CTNNA1: variants seen among roughly 807,000 people sequenced by gnomAD.
CTNNA1 encodes the protein catenin alpha 1, also known as catenin alpha-1.
CTNNA1 carries 37 observed loss-of-function variants against 98.4 expected under a neutral mutation model. The observed-to-expected ratio is 0.38, with a 90% confidence interval of 0.29 to 0.49. CTNNA1 has a LOEUF of 0.49. CTNNA1 is among the 20% of genes least tolerant of loss of function. The pLI is 0.95. For synonymous variants in CTNNA1, 404 were observed against 413.2 expected (o/e 0.98, Z 0.27); for missense variants, 761 against 1,147.2 (o/e 0.66, Z 4.86).
At chr5:138,871,109 T>C (rs547207751) in intron 7 of CTNNA1, 1 of 152,308 alleles carries the variant, frequency 6.6e-6, no homozygotes, top group East Asian at 1.9e-4. Flanking sequence ...AGAAAAATTG[T>C]GATTAAATCT....
chr5:138,926,439 C>T (rs1275881907), intron 13 of CTNNA1, among the ~76,000 whole-genome samples: 4 of 152,252 alleles, frequency 2.6e-5, no homozygotes, highest in East Asian at 1.9e-4. Flanking sequence ...GCCATTTGTG[C>T]GCCCTTGCTG....
At chr5:138,854,548 A>C (rs886287776) in intron 7 of CTNNA1, among the ~76,000 whole-genome samples, 1 of 152,234 alleles carries the variant, frequency 6.6e-6, no homozygotes, top group African/African-American at 2.4e-5. Flanking sequence ...ACAGTTCAAC[A>C]GACTCCTCAG....
intron 10 of CTNNA1, among the ~76,000 whole-genome samples, chr5:138,909,312 G>T (rs1307882969): frequency 6.6e-6 from 1 of 151,628 alleles, no homozygotes; most frequent in Non-Finnish European, 1.5e-5. Context: ...GATGAATTAA[G>T]TATATGAAGC....
Position 138,771,865 on chromosome 5 carries a change from A to G in CTNNA1, c.-2-10058A>G, listed in dbSNP as rs193156622. ...GTTGCTTCGGGTACTTTTAATTTCT[A>G]AATTTCCTGATTTGCATTTAAACGA... On this transcript the variant is annotated intron_variant, in intron 1 of 17. Transcript: ENST00000302763. 2.8e-3 allele frequency among the ~76,000 whole-genome samples: 431 copies of G among 152,270 alleles called. 2 individuals carry two copies. The highest frequency in any genetic ancestry group is 9.6e-3 in the African/African-American group (398 of 41,534).
chr5:138,830,506 T>C (rs1761174266), intron 7 of CTNNA1, among the ~76,000 whole-genome samples: 1 of 152,236 alleles, frequency 6.6e-6, no homozygotes, highest in South Asian at 2.1e-4. Flanking sequence ...GGCTTGGTCC[T>C]GTCAAAAAGC....
chr5:138,811,945 A>G, intron 4 of CTNNA1: 1 of 355,178 alleles, frequency 2.8e-6, no homozygotes, highest in Non-Finnish European at 5.3e-6. Context: ...GGAGAGGGAG[A>G]GGGAGGGGAA....
At chr5:138,861,135 C>G (rs892919284) in intron 7 of CTNNA1, among the ~76,000 whole-genome samples, 1 of 152,050 alleles carries the variant, frequency 6.6e-6, no homozygotes, top group Non-Finnish European at 1.5e-5. Context: ...ATTCTTCTGC[C>G]TCAGCCTCCT....
chr5:138,886,170 T>C (rs770082440), intron 7 of CTNNA1, 42 bp from the exon 8 acceptor site: 3 of 1,597,906 alleles, frequency 1.9e-6, no homozygotes, highest in South Asian at 2.3e-5. Context: ...TTAGGTTTCT[T>C]TGTAAATGAA....
chr5:138,934,692 T>C lies in CTNNA1; in HGVS notation c.*603T>C, dbSNP rs1365267794. On this transcript the variant is annotated 3_prime_UTR_variant, in exon 18 of 18. Coordinates refer to ENST00000302763, the MANE Select transcript of CTNNA1 (RefSeq NM_001903.5). ...AATGTACGCTGCTGCAGGACATTAA[T>C]AAAGTTGCTTTTTTAGGCTACAGTG... 1 of 152,748 alleles carries C rather than the reference T, an allele frequency of 6.5e-6. No homozygotes were observed. The highest frequency in any genetic ancestry group is 1.5e-5 in the Non-Finnish European group (1 of 68,108). The allele number at this position is 152,748 out of a possible 1,614,324, so 9.5% of individuals were successfully genotyped here.
At chr5:138,862,470 A>G (rs987200434) in intron 7 of CTNNA1, among the ~76,000 whole-genome samples, 9 of 152,254 alleles carry the variant, frequency 5.9e-5, no homozygotes, top group African/African-American at 9.6e-5. Flanking sequence ...TTGAAAAAAT[A>G]GTATCCTTTT....
chr5:138,827,216 G>C (rs745651439), intron 6 of CTNNA1, among the ~76,000 whole-genome samples: 1 of 151,952 alleles, frequency 6.6e-6, no homozygotes, highest in Non-Finnish European at 1.5e-5. Context: ...AGTCTTATAC[G>C]GGTTTACCTT....
chr5:138,852,871 G>GCGCACACACACACGCGCGTGCGCA (rs869240008), intron 7 of CTNNA1, among the ~76,000 whole-genome samples: 4 of 151,240 alleles, frequency 2.6e-5, no homozygotes, highest in African/African-American at 4.9e-5. Flanking sequence ...GCGCGCGCGC[G>GCGCACACACACACGCGCGTGCGCA]CACACACACA....
At chr5:138,865,012 C>T (rs935360071) in intron 7 of CTNNA1, among the ~76,000 whole-genome samples, 3 of 152,070 alleles carry the variant, frequency 2.0e-5, no homozygotes, top group African/African-American at 7.2e-5. Flanking sequence ...CGGGGTTTCA[C>T]CATCTTGGCC....
chr5:138,899,358 A>G (rs1415514146), intron 9 of CTNNA1, among the ~76,000 whole-genome samples: 1 of 152,242 alleles, frequency 6.6e-6, no homozygotes, highest in Non-Finnish European at 1.5e-5. Context: ...CTACTAATAC[A>G]TAACCTCTTA....
intron 1 of CTNNA1, among the ~76,000 whole-genome samples, chr5:138,779,717 GT>G (rs1419754755): frequency 1.3e-5 from 1 of 74,478 alleles, no homozygotes; most frequent in Non-Finnish European, 2.9e-5. Context: ...GTTTTTTTTT[GT>G]TTTTGTTTTT....
rs377649610 is a variant in CTNNA1, at chr5:138,930,868, G to A, written c.2231G>A (p.Ser744Asn). The stretch of plus-strand genomic sequence containing the variant: ...CTCAAAAATACATCGGATGTCATCA[G>A]TGCTGCCAAGAAAATTGCTGAGGCA... Reference protein sequence around the residue: ...GPLKNTSDVISAAKKIAEAGS... With the variant: ...GPLKNTSDVINAAKKIAEAGS... The change falls in exon 16 of 18, where the codon AGT (serine) becomes AAT (asparagine). Residue 744 changes from serine (S) to asparagine (N), a missense_variant. Physicochemically the swap from Ser to Asn is conservative, Grantham distance 46. Around this residue, in one of 6 missense-constraint regions of CTNNA1, gnomAD observed 77 missense variants for 198.8 expected, o/e 0.39. Coordinates refer to ENST00000302763, the MANE Select transcript of CTNNA1 (RefSeq NM_001903.5). 3.1e-6 allele frequency: 5 copies of A among 1,613,812 alleles called. No homozygotes were observed. Among genetic ancestry groups the A allele is most frequent in the African/African-American group, 2.7e-5 (2 of 75,042 alleles).
chr5:138,808,732 A>G, intron 3 of CTNNA1, among the ~76,000 whole-genome samples: 1 of 151,718 alleles, frequency 6.6e-6, no homozygotes, highest in African/African-American at 2.4e-5. Context: ...GAGAGTGTGA[A>G]TGGGTTTTAG....
chr5:138,779,667 G>A (rs1754819736), intron 1 of CTNNA1, among the ~76,000 whole-genome samples: 1 of 151,566 alleles, frequency 6.6e-6, no homozygotes, highest in Non-Finnish European at 1.5e-5. Flanking sequence ...CATGCAAATG[G>A]TATTTAATAG....
chr5:138,840,829 G>A (rs1333109935), intron 7 of CTNNA1, among the ~76,000 whole-genome samples: 1 of 152,054 alleles, frequency 6.6e-6, no homozygotes, highest in African/African-American at 2.4e-5. Context: ...TTGGGTTTGT[G>A]TGTTCGGTTT....
Sources: allele counts gnomAD v4.1 joint callset (sites outside exome capture counted in the v4.1 genomes callset), GRCh38; gene constraint gnomAD v4.1.1; regional missense constraint gnomAD v4.1.1; transcripts MANE v1.5; gene names NCBI Gene and HGNC (gene_info 2026-07-23, HGNC 2026-07-21).